The following PIK3C2A variants were observed in gnomAD, a reference collection of about 807,000 sequenced individuals.
PIK3C2A encodes the protein phosphatidylinositol-4-phosphate 3-kinase catalytic subunit type 2 alpha.
PIK3C2A carries 97 observed loss-of-function variants against 204.5 expected under a neutral mutation model. The ratio of observed to expected loss-of-function variants is 0.47; its 90% CI spans 0.40 to 0.56. The LOEUF (loss-of-function observed/expected upper bound fraction) is 0.56, where lower values mean the gene tolerates loss of function less well. Ranked by LOEUF, PIK3C2A falls within the 20% of genes least tolerant of loss-of-function variation. PIK3C2A has a pLI of 0.00. For missense variants in PIK3C2A, 1,735 were observed against 1,969.2 expected (o/e 0.88, Z 2.25); for synonymous variants, 653 against 664.4 (o/e 0.98, Z 0.26).
At position 17,148,688 on chromosome 11, in the gene PIK3C2A, C is replaced by A. The variant is rs1850330549; in HGVS notation, c.1427G>T (p.Gly476Val). ...TTACTTCTGCAGCACTTCCTCTTGA[C>A]CACAAACTTTTAGAACATAGCTGCC... ...DVGSYVLKVC[G>V]QEEVLQNNHC... The change falls in exon 5 of 33, where the codon GGT (glycine) becomes GTT (valine). Residue 476 changes from glycine to valine, a missense_variant. By Grantham distance (109) the Gly-to-Val change is moderately radical (BLOSUM62 -3). This residue lies in a region of PIK3C2A where 13 missense variants were observed against 41.1 expected (regional missense o/e 0.32). Coordinates refer to ENST00000691414, the MANE Select transcript of PIK3C2A (RefSeq NM_002645.4). 1 of 1,613,118 alleles carries A rather than the reference C, an allele frequency of 6.2e-7. No homozygotes were observed. The highest frequency in any genetic ancestry group is 1.3e-5 in the African/African-American group (1 of 74,894).
At chr11:17,196,588 G>T (rs1256943701) in intron 1 of PIK3C2A, among the ~76,000 whole-genome samples, 1 of 151,296 alleles carries the variant, frequency 6.6e-6, no homozygotes, top group African/African-American at 2.4e-5. Flanking sequence ...ATTTTTTTTT[G>T]AGACGGAGTC....
intron 2 of PIK3C2A, among the ~76,000 whole-genome samples, chr11:17,165,726 G>A (rs1184976176): frequency 7.5e-6 from 1 of 133,674 alleles, no homozygotes; most frequent in Non-Finnish European, 1.5e-5. Context: ...GGTGAGCTGA[G>A]ATCACGCAAT....
At chr11:17,193,290 TAAG>T (rs992480531) in intron 1 of PIK3C2A, among the ~76,000 whole-genome samples, 2 of 152,186 alleles carry the variant, frequency 1.3e-5, no homozygotes, top group Non-Finnish European at 2.9e-5. Context: ...TATCCTGAAA[TAAG>T]AGATTTTTCC....
intron 21 of PIK3C2A, 87 bp from the exon 22 acceptor site, chr11:17,110,648 T>C: frequency 1.6e-6 from 2 of 1,237,884 alleles, no homozygotes; most frequent in Non-Finnish European, 2.2e-6. Context: ...TCCCAGCACT[T>C]TGGGAGGCCA....
chr11:17,106,478 T>C (rs929856505), intron 22 of PIK3C2A, among the ~76,000 whole-genome samples: 1 of 152,190 alleles, frequency 6.6e-6, no homozygotes, highest in African/African-American at 2.4e-5. Context: ...TTTTCAAAAG[T>C]ATCTAACATG....
At chr11:17,197,693 T>C (rs187142907) in intron 1 of PIK3C2A, among the ~76,000 whole-genome samples, 11 of 152,336 alleles carry the variant, frequency 7.2e-5, no homozygotes, top group African/African-American at 2.6e-4. Flanking sequence ...CCAACAGTAG[T>C]ACTGCTTTGT....
intron 2 of PIK3C2A, among the ~76,000 whole-genome samples, chr11:17,164,980 T>G (rs971015821): frequency 6.6e-6 from 1 of 152,116 alleles, no homozygotes; most frequent in Non-Finnish European, 1.5e-5. Flanking sequence ...GAGACTTACA[T>G]GGGTGTCACA....
At chr11:17,092,426 G>T in intron 28 of PIK3C2A, 150 bp from the exon 29 acceptor site, 1 of 601,296 alleles carries the variant, frequency 1.7e-6, no homozygotes, top group Admixed American at 3.0e-5. Flanking sequence ...ATGGCCTTTG[G>T]GAGGCCAAGG....
chr11:17,171,758 G>A (rs1851171668), intron 1 of PIK3C2A, among the ~76,000 whole-genome samples: 1 of 152,120 alleles, frequency 6.6e-6, no homozygotes. Context: ...AAGTACTAAT[G>A]TCTACAATTT....
intron 22 of PIK3C2A, among the ~76,000 whole-genome samples, chr11:17,105,836 C>G (rs569734870): frequency 6.6e-6 from 1 of 152,268 alleles, no homozygotes; most frequent in African/African-American, 2.4e-5. Flanking sequence ...TGCCTGGGTG[C>G]AGTGACTCAC....
chr11:17,114,948 T>G (rs1448456783), intron 19 of PIK3C2A, among the ~76,000 whole-genome samples: 1 of 152,166 alleles, frequency 6.6e-6, no homozygotes, highest in Admixed American at 6.6e-5. Context: ...GAAATAAAAA[T>G]GTACACACCA....
rs773294986 is a variant in PIK3C2A, at chr11:17,110,545, C to A, written c.3431G>T (p.Arg1144Leu). The change falls in exon 22 of 33, where the codon CGG becomes CTG. Residue 1144 changes from arginine (R) to leucine (L), a missense_variant. This residue lies in a region of PIK3C2A where 503 missense variants were observed against 669.0 expected (regional missense o/e 0.75). Coordinates refer to ENST00000691414, the MANE Select transcript of PIK3C2A (RefSeq NM_002645.4). ...NVMFKVGEDL[R>L]QDMLALQMIK... ...CATCTGTAAAGCTAACATATCTTGC[C>A]GAAGATCTTCACCAACCTTGAAATC... 6.2e-7 allele frequency: 1 copy of A among 1,609,268 alleles called. No individual in the cohort carries two copies. Among genetic ancestry groups the A allele is most frequent in the Non-Finnish European group, 8.5e-7 (1 of 1,178,094 alleles).
chr11:17,178,403 A>G (rs1230598456), intron 1 of PIK3C2A, among the ~76,000 whole-genome samples: 3 of 152,150 alleles, frequency 2.0e-5, no homozygotes, highest in Non-Finnish European at 4.4e-5. Context: ...AACATGGTGA[A>G]CAAGTATCAT....
chr11:17,194,920 A>G (rs558190478), intron 1 of PIK3C2A, among the ~76,000 whole-genome samples: 1 of 151,886 alleles, frequency 6.6e-6, no homozygotes, highest in South Asian at 2.1e-4. Flanking sequence ...GAAGAAAAAA[A>G]AAAAAAGATT....
In PIK3C2A at chr11:17,145,738, GA is replaced by G; in HGVS notation, c.1641-8del. 3.1e-6 allele frequency: 5 copies of G among 1,600,066 alleles called. No individual in the cohort carries two copies. Among genetic ancestry groups the G allele is most frequent in the Non-Finnish European group, 4.3e-6 (5 of 1,167,664 alleles). ...GAGTTCTTCAACAGGGTGTCTGAAA[GA>G]AACAACAGTTATTGTGGCTGAAGGA... On this transcript the variant is annotated splice_region_variant and splice_polypyrimidine_tract_variant and intron_variant, in intron 7 of 32. Transcript: ENST00000691414.
intron 1 of PIK3C2A, among the ~76,000 whole-genome samples, chr11:17,176,954 A>T (rs1002256345): frequency 2.6e-5 from 4 of 152,180 alleles, no homozygotes; most frequent in African/African-American, 9.7e-5. Flanking sequence ...AACTAATTTA[A>T]TCCTCACAAA....
At chr11:17,194,857 C>T (rs780874783) in intron 1 of PIK3C2A, among the ~76,000 whole-genome samples, 14 of 149,256 alleles carry the variant, frequency 9.4e-5, no homozygotes, top group Admixed American at 2.0e-4. Flanking sequence ...TGCAGTGAGC[C>T]GAGACTGCGA....
chr11:17,106,137 A>C (rs186667394), intron 22 of PIK3C2A, among the ~76,000 whole-genome samples: 163 of 145,312 alleles, frequency 1.1e-3, no homozygotes, highest in African/African-American at 4.0e-3. Context: ...TCTGGCCAGG[A>C]ATGGTGGCTC....
intron 22 of PIK3C2A, among the ~76,000 whole-genome samples, chr11:17,107,098 G>A (rs1238041972): frequency 1.3e-5 from 2 of 152,144 alleles, no homozygotes; most frequent in Non-Finnish European, 2.9e-5. Context: ...CAGATCACAA[G>A]GTCAGGAGAT....
Sources: gnomAD v4.1 joint callset for allele counts (sites outside exome capture counted in the v4.1 genomes callset) on GRCh38, gnomAD v4.1.1 for gene constraint, gnomAD v4.1.1 regional missense constraint, MANE v1.5 for transcripts, NCBI Gene and HGNC (gene_info 2026-07-23, HGNC 2026-07-21) for gene names.